ARL15: variants seen among roughly 807,000 people sequenced by gnomAD.
ARL15 encodes ARF like GTPase 15.
ARL15 carries 19 observed loss-of-function variants against 25.2 expected under a neutral mutation model. The ratio of observed to expected loss-of-function variants is 0.75; its 90% confidence interval spans 0.53 to 1.10. The LOEUF (loss-of-function observed/expected upper bound fraction) is 1.10. Ranked by LOEUF, ARL15 falls within the 50% of genes least tolerant of loss-of-function variation. The pLI, the probability that ARL15 is intolerant of heterozygous loss-of-function variation, is 0.00. For synonymous variants in ARL15, 94 were observed against 86.8 expected, an observed-to-expected ratio of 1.08 and a Z score of -0.46; for missense variants, 220 against 246.0, an observed-to-expected ratio of 0.89 and a Z score of 0.71.
At chr5:54,220,604 T>A (rs1018872758) in intron 1 of ARL15, among the ~76,000 whole-genome samples, 13 of 152,234 alleles carry the variant, frequency 8.5e-5, no homozygotes, top group Non-Finnish European at 1.3e-4. Context: ...TTTAATATAA[T>A]AAGCACCTTC....
At chr5:53,886,856 C>T in intron 4 of ARL15, 143 bp from the exon 5 acceptor site, 1 of 718,170 alleles carries the variant, frequency 1.4e-6, no homozygotes, top group Non-Finnish European at 2.3e-6. Flanking sequence ...ATGTGGATGC[C>T]TGTCCGCAGC....
chr5:53,909,267 C>T (rs1745375908), intron 4 of ARL15, among the ~76,000 whole-genome samples: 1 of 152,106 alleles, frequency 6.6e-6, no homozygotes, highest in South Asian at 2.1e-4. Flanking sequence ...GAAGAAGCCA[C>T]ATCAAACTGA....
chr5:54,056,399 A>C (rs1481433127), intron 4 of ARL15, among the ~76,000 whole-genome samples: 1 of 152,054 alleles, frequency 6.6e-6, no homozygotes, highest in Non-Finnish European at 1.5e-5. Flanking sequence ...TGGGAGGCTG[A>C]GGTGAGCGGA....
chr5:54,084,423 T>G (rs1266589048), intron 4 of ARL15, among the ~76,000 whole-genome samples: 1 of 44,538 alleles, frequency 2.2e-5, no homozygotes, highest in Admixed American at 2.2e-4. Context: ...TACTGACTCT[T>G]CAAAAAAAAA....
chr5:53,941,664 A>T (rs1471917692), intron 4 of ARL15, among the ~76,000 whole-genome samples: 1 of 152,214 alleles, frequency 6.6e-6, no homozygotes, highest in Non-Finnish European at 1.5e-5. Context: ...CAAATTTGCC[A>T]GTCCACTTCA....
chr5:54,104,949 G>C (rs997928981), intron 4 of ARL15, among the ~76,000 whole-genome samples: 5 of 151,874 alleles, frequency 3.3e-5, no homozygotes, highest in African/African-American at 1.2e-4. Flanking sequence ...CAAATCCTTA[G>C]TTCTGGATAA....
intron 4 of ARL15, among the ~76,000 whole-genome samples, chr5:53,904,534 T>C (rs1430185609): frequency 6.6e-6 from 1 of 152,160 alleles, no homozygotes; most frequent in East Asian, 1.9e-4. Context: ...AAGATGCAGA[T>C]TGCTTCCCAA....
intron 1 of ARL15, among the ~76,000 whole-genome samples, chr5:54,191,213 A>G (rs976529757): frequency 2.0e-5 from 3 of 152,204 alleles, no homozygotes; most frequent in Admixed American, 1.3e-4. Context: ...GCCAGCCGTA[A>G]AAAAGACAAA....
At chr5:54,111,676 T>C (rs1752744589) in intron 4 of ARL15, among the ~76,000 whole-genome samples, 1 of 152,164 alleles carries the variant, frequency 6.6e-6, no homozygotes, top group South Asian at 2.1e-4. Flanking sequence ...TTTATCAATG[T>C]GTATATGTAT....
intron 4 of ARL15, among the ~76,000 whole-genome samples, chr5:53,968,674 A>G (rs1014387173): frequency 6.6e-6 from 1 of 151,804 alleles, no homozygotes; most frequent in African/African-American, 2.4e-5. Flanking sequence ...TCATTCATTC[A>G]TTCATTTTGT....
Position 53,886,581 on chromosome 5 carries a change from G to A in ARL15, c.595C>T (p.His199Tyr). The change falls in exon 5 of 5, where the codon CAT (histidine) becomes TAT (tyrosine). Residue 199 changes from histidine (H) to tyrosine (Y), a missense_variant. Coordinates refer to ENST00000504924, the MANE Select transcript of ARL15 (RefSeq NM_019087.3). ...QLINLLEEKD[H>Y]EAVRM ...AGATTTCACATTCTTACAGCTTCAT[G>A]GTCTTTTTCTTCTAACAAATTAATC... The A allele has an allele frequency of 6.4e-7, 1 of 1,561,718 alleles. No homozygotes were observed. Among genetic ancestry groups the A allele is most frequent in the East Asian group, 2.4e-5 (1 of 42,506 alleles).
In ARL15 at chr5:54,059,342, C is replaced by T; in HGVS notation, c.462+53860G>A. On this transcript the variant is annotated intron_variant, in intron 4 of 4. Coordinates refer to ENST00000504924, the MANE Select transcript of ARL15 (RefSeq NM_019087.3). ...GCATCTTCACTGTGAAGTGAGACGA[C>T]CTTGAGAATACAAAGTGATCAACCA... 1.3e-5 allele frequency among the ~76,000 whole-genome samples: 2 copies of T among 152,186 alleles called. 1 individual carries two copies. Among genetic ancestry groups the T allele is most frequent in the Middle Eastern group, 6.3e-3 (2 of 316 alleles).
At chr5:54,084,257 G>A (rs1225050532) in intron 4 of ARL15, among the ~76,000 whole-genome samples, 1 of 152,076 alleles carries the variant, frequency 6.6e-6, no homozygotes, top group African/African-American at 2.4e-5. Context: ...TCAGGACACC[G>A]TATGCTTCAG....
chr5:53,886,272 G>A lies in ARL15; in HGVS notation c.*289C>T, dbSNP rs997922476. On this transcript the variant is annotated 3_prime_UTR_variant, in exon 5 of 5. Coordinates refer to ENST00000504924, the MANE Select transcript of ARL15 (RefSeq NM_019087.3). ...CATGAATTCCATCCGTTTCAGCACA[G>A]AGTATAGAAGAGATGCTTAGAACAA... 5 of 237,794 alleles carry A rather than the reference G, an allele frequency of 2.1e-5. No individual in the cohort carries two copies. The highest frequency in any genetic ancestry group is 5.4e-5 in the Admixed American group (1 of 18,360). The allele number at this position is 237,794 out of a possible 1,614,324, so 14.7% of individuals were successfully genotyped here.
intron 3 of ARL15, among the ~76,000 whole-genome samples, chr5:54,121,040 C>T (rs1183094487): frequency 6.6e-6 from 1 of 152,082 alleles, no homozygotes; most frequent in Non-Finnish European, 1.5e-5. Flanking sequence ...AGTTAAAAAC[C>T]ATCTAATGTC....
chr5:53,972,187 C>A (rs1372873474), intron 4 of ARL15, among the ~76,000 whole-genome samples: 1 of 151,864 alleles, frequency 6.6e-6, no homozygotes, highest in Non-Finnish European at 1.5e-5. Flanking sequence ...CAAAAAAAAC[C>A]CCTCTTGGAT....
At chr5:54,206,417 C>A (rs934001022) in intron 1 of ARL15, among the ~76,000 whole-genome samples, 6 of 152,086 alleles carry the variant, frequency 3.9e-5, no homozygotes, top group African/African-American at 9.7e-5. Flanking sequence ...GTCAGAAATG[C>A]ATGTTTAAAT....
At chr5:54,096,153 C>T (rs1752280857) in intron 4 of ARL15, among the ~76,000 whole-genome samples, 1 of 152,154 alleles carries the variant, frequency 6.6e-6, no homozygotes, top group Non-Finnish European at 1.5e-5. Context: ...AACATACTTA[C>T]CACTGTTCAT....
intron 1 of ARL15, among the ~76,000 whole-genome samples, chr5:54,234,551 A>G (rs1415442804): frequency 6.6e-6 from 1 of 152,148 alleles, no homozygotes; most frequent in Non-Finnish European, 1.5e-5. Context: ...ATCCACTGGT[A>G]AGGCCACTAT....
Sources: gnomAD v4.1 joint callset for allele counts (sites outside exome capture counted in the v4.1 genomes callset) on GRCh38, gnomAD v4.1.1 for gene constraint, MANE v1.5 for transcripts, NCBI Gene and HGNC (gene_info 2026-07-23, HGNC 2026-07-21) for gene names.